Variants in RPH3A observed in about 807,000 individuals in gnomAD.
The protein encoded by RPH3A is rabphilin-3A.
A neutral mutation model predicts 102.2 loss-of-function variants in RPH3A; 48 were observed. The ratio of observed to expected loss-of-function variants is 0.47; its 90% CI spans 0.37 to 0.60. The LOEUF (loss-of-function observed/expected upper bound fraction) is 0.60, where lower values mean the gene tolerates loss of function less well. Among genes scored for constraint, RPH3A ranks in the 20% least tolerant of loss-of-function variants. RPH3A has a pLI of 0.00. For missense variants in RPH3A, 781 were observed against 910.1 expected, an observed-to-expected ratio of 0.86 and a Z score of 1.83; for synonymous variants, 310 against 324.3, an observed-to-expected ratio of 0.96 and a Z score of 0.47.
chr12:112,855,657 G>A (rs1236681574), intron 5 of RPH3A, among the ~76,000 whole-genome samples: 1 of 152,184 alleles, frequency 6.6e-6, no homozygotes, highest in Non-Finnish European at 1.5e-5. Context: ...TCCTGATGGA[G>A]CAGCTCAGTC....
upstream of RPH3A, chr12:112,791,307 C>T: frequency 6.6e-6 from 1 of 152,428 alleles, no homozygotes. Flanking sequence ...AGGAGCAATG[C>T]AGGACTGGGG....
intron 18 of RPH3A, among the ~76,000 whole-genome samples, chr12:112,890,388 A>C (rs1033341587): frequency 6.6e-6 from 1 of 152,202 alleles, no homozygotes; most frequent in Non-Finnish European, 1.5e-5. Context: ...GAGTAGATGC[A>C]TTCTTTGAGC....
intron 1 of RPH3A, among the ~76,000 whole-genome samples, chr12:112,703,445 A>G (rs913008990): frequency 1.3e-5 from 2 of 152,214 alleles, no homozygotes; most frequent in African/African-American, 4.8e-5. Context: ...AGTCCATTCT[A>G]GTATAGAACT....
At chr12:112,750,289 G>T (rs1282696384) in intron 1 of RPH3A, among the ~76,000 whole-genome samples, 1 of 152,166 alleles carries the variant, frequency 6.6e-6, no homozygotes, top group Middle Eastern at 3.2e-3. Context: ...AGTGTAAGTG[G>T]TTTATTGGGA....
At chr12:112,684,637 A>G (rs2040250581) in intron 1 of RPH3A, among the ~76,000 whole-genome samples, 1 of 152,208 alleles carries the variant, frequency 6.6e-6, no homozygotes, top group African/African-American at 2.4e-5. Context: ...CTGATGAAAC[A>G]TTAATTTAAA....
chr12:112,654,987 A>G (rs2040000328), intron 1 of RPH3A, among the ~76,000 whole-genome samples: 1 of 152,198 alleles, frequency 6.6e-6, no homozygotes, highest in Non-Finnish European at 1.5e-5. Flanking sequence ...TCATCCATCC[A>G]TGACTTCTTA....
chr12:112,797,556 G>A (rs894157740), intron 2 of RPH3A, among the ~76,000 whole-genome samples: 3 of 152,138 alleles, frequency 2.0e-5, no homozygotes, highest in African/African-American at 7.2e-5. Context: ...ACAATTCCAA[G>A]GAGTCACTTT....
chr12:112,715,461 G>C (rs1021871610), intron 1 of RPH3A, among the ~76,000 whole-genome samples: 4 of 152,084 alleles, frequency 2.6e-5, no homozygotes, highest in African/African-American at 9.7e-5. Flanking sequence ...CATAAGAGCC[G>C]GGACTCTCAC....
At chr12:112,658,083 C>G (rs2040025126) in intron 1 of RPH3A, among the ~76,000 whole-genome samples, 2 of 152,102 alleles carry the variant, frequency 1.3e-5, no homozygotes, top group African/African-American at 4.8e-5. Flanking sequence ...AGACCACTGT[C>G]AAGTCTGTGA....
intron 1 of RPH3A, among the ~76,000 whole-genome samples, chr12:112,753,723 T>C (rs1173480536): frequency 6.6e-6 from 1 of 152,182 alleles, no homozygotes. Flanking sequence ...GAGCAAGGTC[T>C]GGGGGTTAGA....
In RPH3A at chr12:112,881,852, A is replaced by G. The variant is rs2042919795; in HGVS notation, c.1326+6A>G. 1.9e-6 allele frequency: 3 copies of G among 1,610,324 alleles called. No homozygotes were observed. The highest frequency in any genetic ancestry group is 2.5e-6 in the Non-Finnish European group (3 of 1,177,650). ...TCCTGCCGGGAGCCAGCAAGGTACC[A>G]TATGGCCTGGGCTTCTCTGCAAACC... is the stretch of plus-strand genomic sequence containing the variant. On this transcript the variant is annotated splice_donor_region_variant and intron_variant, in intron 15 of 21. Transcript: ENST00000389385.
intron 1 of RPH3A, among the ~76,000 whole-genome samples, chr12:112,761,430 C>T (rs1310200376): frequency 6.6e-6 from 1 of 152,262 alleles, no homozygotes; most frequent in African/African-American, 2.4e-5. Context: ...AGCAATCCCC[C>T]TCTTTCTGCC....
At chr12:112,598,489 T>C (rs890130461) in intron 1 of RPH3A, among the ~76,000 whole-genome samples, 1 of 152,202 alleles carries the variant, frequency 6.6e-6, no homozygotes, top group African/African-American at 2.4e-5. Flanking sequence ...AGCCATCTGA[T>C]TTATACATCA....
chr12:112,741,999 A>G (rs2040712680), intron 1 of RPH3A, among the ~76,000 whole-genome samples: 1 of 152,188 alleles, frequency 6.6e-6, no homozygotes, highest in East Asian at 1.9e-4. Flanking sequence ...GCACCAGAGC[A>G]GTCTGATAGA....
At chr12:112,821,171 C>T (rs758148581) in intron 2 of RPH3A, among the ~76,000 whole-genome samples, 4 of 152,156 alleles carry the variant, frequency 2.6e-5, no homozygotes, top group Non-Finnish European at 5.9e-5. Context: ...AAGGGGCACT[C>T]GGCTCCATCA....
chr12:112,700,674 T>C (rs926222017), intron 1 of RPH3A, among the ~76,000 whole-genome samples: 2 of 152,156 alleles, frequency 1.3e-5, no homozygotes, highest in Non-Finnish European at 2.9e-5. Context: ...TTTGACATGA[T>C]TGATCACCCC....
rs61202896 is a variant in RPH3A, at chr12:112,769,530, C to T, written c.-139-22613C>T. ...ACCTTGTAGAGATCTAACCATGTTA[C>T]GTTTAGCGCATAAAAACATTTATCT... On this transcript the variant is annotated intron_variant, in intron 1 of 21. Coordinates refer to the RPH3A transcript ENST00000543106. Among the ~76,000 whole-genome samples the T allele has an allele frequency of 6.9e-3, 1,058 of 152,340 alleles. 15 individuals carry two copies. Among genetic ancestry groups the T allele is most frequent in the African/African-American group, 0.024 (1,009 of 41,568 alleles).
chr12:112,870,011 T>C lies in RPH3A; in HGVS notation c.768T>C (p.Gly256=), dbSNP rs2042681185. 9 of 1,613,858 alleles carry C rather than the reference T, an allele frequency of 5.6e-6. No individual in the cohort carries two copies. Among genetic ancestry groups the C allele is most frequent in the Non-Finnish European group, 7.6e-6 (9 of 1,179,948 alleles). Residue 256 remains glycine, a synonymous_variant, in exon 10 of 22, where the codon GGT becomes GGC. Transcript: ENST00000389385. ...CAGAGAGCTGGGACCACAGTGGGGG[T>C]GCTGGAGACTCCAGCCGGAGCCCAG... is the stretch of plus-strand genomic sequence containing the variant. ...RDSESWDHSG[G]AGDSSRSPAG...
intron 1 of RPH3A, among the ~76,000 whole-genome samples, chr12:112,744,048 T>G (rs1411272360): frequency 6.6e-6 from 1 of 152,194 alleles, no homozygotes; most frequent in African/African-American, 2.4e-5. Flanking sequence ...CCACTTGACC[T>G]TGACTGTTCC....
Sources: allele counts gnomAD v4.1 joint callset (sites outside exome capture counted in the v4.1 genomes callset), GRCh38; gene constraint gnomAD v4.1.1; transcripts MANE v1.5; gene names NCBI Gene and HGNC (gene_info 2026-07-23, HGNC 2026-07-21).